The following DDX60 variants were observed in gnomAD, a reference collection of about 807,000 sequenced individuals.
The protein encoded by DDX60 is DExD/H-box helicase 60, also known as probable ATP-dependent RNA helicase DDX60.
DDX60 carries 165 observed loss-of-function variants against 212.8 expected under a neutral mutation model. That is an observed-to-expected ratio of 0.78 (90% confidence interval 0.68 to 0.88). The LOEUF (loss-of-function observed/expected upper bound fraction) is 0.88. Among genes scored for constraint, DDX60 ranks in the 40% least tolerant of loss-of-function variants. DDX60 has a pLI of 0.00. For missense variants in DDX60, 1,905 were observed against 2,003.9 expected, an observed-to-expected ratio of 0.95 and a Z score of 0.94; for synonymous variants, 703 against 685.3, an observed-to-expected ratio of 1.03 and a Z score of -0.40.
In DDX60 at chr4:168,248,302, G is replaced by A; in HGVS notation, c.3859-10C>T. ...CAGTAGCTGTCACCACCTTGAAAGA[G>A]AATAAAACAATTACTTCATAAAATA... On this transcript the variant is annotated splice_polypyrimidine_tract_variant and intron_variant, in intron 28 of 37. Coordinates refer to ENST00000393743, the MANE Select transcript of DDX60 (RefSeq NM_017631.6). 4 of 1,557,970 alleles carry A rather than the reference G, an allele frequency of 2.6e-6. No individual in the cohort carries two copies. The highest frequency in any genetic ancestry group is 3.5e-6 in the Non-Finnish European group (4 of 1,149,452).
chr4:168,284,321 T>C (rs2149528649), intron 12 of DDX60, among the ~76,000 whole-genome samples: 1 of 152,244 alleles, frequency 6.6e-6, no homozygotes, highest in Non-Finnish European at 1.5e-5. Context: ...CTAACGGGGC[T>C]GGGGGTAAGC....
At chr4:168,218,037 G>C (rs1329122540) in intron 37 of DDX60, among the ~76,000 whole-genome samples, 7 of 152,150 alleles carry the variant, frequency 4.6e-5, no homozygotes, top group African/African-American at 1.4e-4. Context: ...AGAATGAACA[G>C]TACAGCTGGA....
intron 25 of DDX60, among the ~76,000 whole-genome samples, chr4:168,260,512 G>C (rs1024922646): frequency 6.6e-6 from 1 of 152,160 alleles, no homozygotes; most frequent in African/African-American, 2.4e-5. Flanking sequence ...TTTCATGGAA[G>C]ACAACTTGGC....
At chr4:168,235,966 T>C (rs1006242217) in intron 33 of DDX60, 2 of 309,894 alleles carry the variant, frequency 6.5e-6, no homozygotes, top group Admixed American at 5.4e-5. Context: ...AATTAGCATA[T>C]CTTTTCTTTA....
intron 4 of DDX60, among the ~76,000 whole-genome samples, chr4:168,307,521 G>A (rs1354710726): frequency 6.6e-6 from 1 of 152,084 alleles, no homozygotes; most frequent in Non-Finnish European, 1.5e-5. Context: ...ATGGCTCACT[G>A]CAGTGTCAAA....
intron 6 of DDX60, among the ~76,000 whole-genome samples, chr4:168,295,587 T>A (rs1294397368): frequency 2.6e-4 from 40 of 152,222 alleles, no homozygotes; most frequent in Non-Finnish European, 1.5e-5. Context: ...TCTCTCTGAA[T>A]CTGCTGTGAT....
intron 20 of DDX60, among the ~76,000 whole-genome samples, chr4:168,268,510 C>T (rs1051894168): frequency 6.6e-6 from 1 of 152,022 alleles, no homozygotes; most frequent in Non-Finnish European, 1.5e-5. Flanking sequence ...AAATGGACCA[C>T]AGGACCCATG....
chr4:168,299,405 C>T (rs1355193195), intron 6 of DDX60, among the ~76,000 whole-genome samples: 1 of 150,588 alleles, frequency 6.6e-6, no homozygotes, highest in Non-Finnish European at 1.5e-5. Context: ...AGTAAGTTCC[C>T]AGCCCCCCCA....
At position 168,291,992 on chromosome 4, in the gene DDX60, C is replaced by A. The variant is rs1009692156; in HGVS notation, c.883-86G>T. 4 of 788,664 alleles carry A rather than the reference C, an allele frequency of 5.1e-6. No individual in the cohort carries two copies. The Admixed American group carries it at 8.7e-5, about 17-fold the overall frequency. The allele number at this position is 788,664 out of a possible 1,614,324, so 48.9% of individuals were successfully genotyped here. On this transcript the variant is annotated intron_variant, in intron 7 of 37. Transcript: ENST00000393743. ...CATCTAGGACCACAAAAGCTGACAG[C>A]TACCTTTGCTGTTCAGGAATCATGA...
intron 35 of DDX60, among the ~76,000 whole-genome samples, chr4:168,222,316 A>G (rs1399976626): frequency 6.6e-6 from 1 of 152,176 alleles, no homozygotes; most frequent in African/African-American, 2.4e-5. Flanking sequence ...AAAAGGAGGA[A>G]GAAGGAAAAC....
chr4:168,279,253 A>G (rs1451295922), intron 14 of DDX60, among the ~76,000 whole-genome samples: 1 of 152,254 alleles, frequency 6.6e-6, no homozygotes, highest in Non-Finnish European at 1.5e-5. Context: ...TCTTCCCAGA[A>G]GTGAAAAAAT....
intron 5 of DDX60, among the ~76,000 whole-genome samples, chr4:168,305,270 T>G (rs1736825237): frequency 6.6e-6 from 1 of 152,234 alleles, no homozygotes; most frequent in African/African-American, 2.4e-5. Context: ...TTTCTTGGAA[T>G]GTATCCATGT....
chr4:168,316,001 C>T (rs750174032), intron 1 of DDX60, among the ~76,000 whole-genome samples: 32 of 152,132 alleles, frequency 2.1e-4, no homozygotes, highest in Admixed American at 3.9e-4. Context: ...GGAATGGCCA[C>T]GCTGTCTTCC....
intron 35 of DDX60, among the ~76,000 whole-genome samples, chr4:168,223,251 G>T (rs531328488): frequency 6.6e-6 from 1 of 152,012 alleles, no homozygotes; most frequent in Non-Finnish European, 1.5e-5. Context: ...TGCTATAAAA[G>T]ATATATTTGT....
intron 14 of DDX60, among the ~76,000 whole-genome samples, chr4:168,277,218 G>T (rs1735378885): frequency 6.6e-6 from 1 of 152,110 alleles, no homozygotes; most frequent in Non-Finnish European, 1.5e-5. Context: ...AGAGCACATG[G>T]TATCCACAGC....
In DDX60 at chr4:168,248,204, G is replaced by A. The variant is rs746913587; in HGVS notation, c.3947C>T (p.Ala1316Val). 8.7e-6 allele frequency: 14 copies of A among 1,603,216 alleles called. No individual in the cohort carries two copies. Among genetic ancestry groups the A allele is most frequent in the African/African-American group, 1.3e-5 (1 of 74,470 alleles). The part of the protein sequence containing the change: ...VFAQNSVYLD[A>V]LNYRQMSGRA... Reference sequence around the variant, plus strand: ...TTGCAATACCTGTCTATAATTCAACGCATCCAGATAGACTGAGTTTTGAGC... The same window carrying A: ...TTGCAATACCTGTCTATAATTCAACACATCCAGATAGACTGAGTTTTGAGC... Residue 1316 changes from alanine to valine, a missense_variant, in exon 29 of 38, where the codon GCG becomes GTG. By Grantham distance (64) the Ala-to-Val change is moderately conservative. Transcript: ENST00000393743.
At chr4:168,218,172 G>A (rs1156229579) in intron 37 of DDX60, among the ~76,000 whole-genome samples, 2 of 152,066 alleles carry the variant, frequency 1.3e-5, no homozygotes. Flanking sequence ...CACAAAAATT[G>A]ATCAGTTCTG....
At chr4:168,218,119 C>T (rs1732916243) in intron 37 of DDX60, among the ~76,000 whole-genome samples, 1 of 152,138 alleles carries the variant, frequency 6.6e-6, no homozygotes, top group Non-Finnish European at 1.5e-5. Context: ...TACCTTGTTT[C>T]CACTAGAGTT....
chr4:168,273,943 TGCAAC>T lies in DDX60; in HGVS notation c.2440_2444del (p.Val814ThrfsTer7). 6.2e-7 allele frequency: 1 copy of T among 1,613,746 alleles called. No individual in the cohort carries two copies. Reference sequence around the variant, plus strand: ...GTCACTTGAGCACTACCTTTGTGGGTGCAACGTACACGACCACCCCGTCGTCGCTC... The same window carrying T: ...GTCACTTGAGCACTACCTTTGTGGGTGTACACGACCACCCCGTCGTCGCTC... On this transcript the variant is annotated frameshift_variant, in exon 17 of 38. Coordinates refer to ENST00000393743, the MANE Select transcript of DDX60 (RefSeq NM_017631.6). LOFTEE classifies it high-confidence loss of function.
Sources: allele counts gnomAD v4.1 joint callset (sites outside exome capture counted in the v4.1 genomes callset), GRCh38; gene constraint gnomAD v4.1.1; transcripts MANE v1.5; gene names NCBI Gene and HGNC (gene_info 2026-07-23, HGNC 2026-07-21).